Variants in OR2L13 observed in about 807,000 individuals in gnomAD.
OR2L13 encodes the protein olfactory receptor family 2 subfamily L member 13, also known as olfactory receptor 2L13.
In OR2L13, 14 loss-of-function variants were observed where a neutral mutation model predicts 15.3. That is an observed-to-expected ratio of 0.91 (90% CI 0.60 to 1.43). OR2L13 has a LOEUF of 1.43. Among genes scored for constraint, OR2L13 ranks in the 40% most tolerant of loss-of-function variants. The pLI is 0.00. For missense variants in OR2L13, 367 were observed against 387.9 expected (o/e 0.95, Z 0.45); for synonymous variants, 152 against 142.9 (o/e 1.06, Z -0.45).
the OR2L13 span, among the ~76,000 whole-genome samples, chr1:248,005,837 G>A: frequency 6.6e-6 from 1 of 152,192 alleles, no homozygotes; most frequent in African/African-American, 2.4e-5. Context: ...GTGGATATTT[G>A]TTTTACAATG....
the OR2L13 span, chr1:248,062,940 C>G: frequency 2.0e-5 from 3 of 152,248 alleles, no homozygotes; most frequent in East Asian, 5.8e-4. Flanking sequence ...GTTCTCTGTT[C>G]TGTTTCACTG....
At chr1:247,972,218 G>A in the OR2L13 span, among the ~76,000 whole-genome samples, 1 of 152,038 alleles carries the variant, frequency 6.6e-6, no homozygotes, top group African/African-American at 2.4e-5. Context: ...AAATAGAGAA[G>A]CAAGAGCAAA....
At chr1:248,015,735 C>T in the OR2L13 span, among the ~76,000 whole-genome samples, 3 of 152,146 alleles carry the variant, frequency 2.0e-5, no homozygotes, top group Non-Finnish European at 4.4e-5. Context: ...TACAAAACTT[C>T]CAGCAAAGCC....
At chr1:248,042,632 A>G in the OR2L13 span, among the ~76,000 whole-genome samples, 5 of 152,200 alleles carry the variant, frequency 3.3e-5, no homozygotes, top group Non-Finnish European at 5.9e-5. Context: ...AGGGACACAG[A>G]CCATCACATG....
At chr1:248,005,671 A>G in the OR2L13 span, among the ~76,000 whole-genome samples, 2 of 152,108 alleles carry the variant, frequency 1.3e-5, no homozygotes, top group Non-Finnish European at 2.9e-5. Flanking sequence ...TGAGCATTGG[A>G]TGTTTTCCCA....
the OR2L13 span, among the ~76,000 whole-genome samples, chr1:247,957,155 C>A: frequency 5.8e-5 from 7 of 119,808 alleles, no homozygotes; most frequent in East Asian, 1.0e-3. Context: ...TTAGCATGAA[C>A]GTTGTTGAAT....
chr1:248,042,304 A>G, the OR2L13 span: 1 of 140,174 alleles, frequency 7.1e-6, no homozygotes, highest in African/African-American at 2.7e-5. Flanking sequence ...GAATTGAACA[A>G]TGAGAACACA....
chr1:248,068,737 A>G, the OR2L13 span, among the ~76,000 whole-genome samples: 1 of 152,314 alleles, frequency 6.6e-6, no homozygotes, highest in South Asian at 2.1e-4. Flanking sequence ...AAAAATGTAG[A>G]TGAAAGTATA....
At chr1:247,985,789 A>T in the OR2L13 span, among the ~76,000 whole-genome samples, 3 of 151,696 alleles carry the variant, frequency 2.0e-5, no homozygotes, top group Non-Finnish European at 4.4e-5. Context: ...CTGACTTTTT[A>T]ATGATCGCCA....
exon 3 of OR2L13, chr1:248,100,239 C>T (rs1342842302): frequency 6.2e-7 from 1 of 1,613,346 alleles, no homozygotes; most frequent in South Asian, 1.1e-5. Context: ...ATCCCATTAT[C>T]TACAGCCTGA....
the OR2L13 span, chr1:247,990,405 C>T: frequency 5.0e-6 from 8 of 1,585,104 alleles, no homozygotes; most frequent in Admixed American, 1.3e-4. Context: ...CATGATTCTT[C>T]TCATCTTCTT....
At chr1:248,076,823 A>T in the OR2L13 span, among the ~76,000 whole-genome samples, 2 of 152,204 alleles carry the variant, frequency 1.3e-5, no homozygotes, top group Non-Finnish European at 2.9e-5. Flanking sequence ...TCCTAATTGC[A>T]TACCCTTTAT....
chr1:247,993,342 G>GTTGTT, the OR2L13 span, among the ~76,000 whole-genome samples: 96 of 134,966 alleles, frequency 7.1e-4, no homozygotes, highest in African/African-American at 2.5e-3. Flanking sequence ...TTTCCTCGTT[G>GTTGTT]TTTTTTTTTT....
chr1:247,985,745 A>G, the OR2L13 span, among the ~76,000 whole-genome samples: 1 of 150,780 alleles, frequency 6.6e-6, no homozygotes, highest in African/African-American at 2.4e-5. Context: ...AAATGTTTCT[A>G]TTTCTCCACA....
chr1:247,966,209 A>G, the OR2L13 span: 1 of 1,613,664 alleles, frequency 6.2e-7, no homozygotes, highest in Non-Finnish European at 8.5e-7. Flanking sequence ...GCAGTATTTT[A>G]CACCATTGTC....
chr1:247,984,149 C>T, the OR2L13 span, among the ~76,000 whole-genome samples: 7 of 151,870 alleles, frequency 4.6e-5, no homozygotes, highest in Non-Finnish European at 1.0e-4. Flanking sequence ...TTGTAGAACG[C>T]GTCTGGTGGA....
the OR2L13 span, among the ~76,000 whole-genome samples, chr1:247,972,615 A>G: frequency 8.1e-6 from 1 of 124,018 alleles, no homozygotes; most frequent in African/African-American, 2.8e-5. Context: ...AAATTGAGGC[A>G]GTAATTAATA....
At chr1:247,955,713 T>TG in the OR2L13 span, among the ~76,000 whole-genome samples, 4 of 46,396 alleles carry the variant, frequency 8.6e-5, no homozygotes, top group East Asian at 3.3e-3. Flanking sequence ...TGATGAGCAT[T>TG]TTTTTTCTTT....
chr1:248,091,762 TG>T (rs1202312741), upstream of OR2L13, among the ~76,000 whole-genome samples: 2 of 152,212 alleles, frequency 1.3e-5, no homozygotes, highest in Admixed American at 1.3e-4. Context: ...CTTGGCTATT[TG>T]GGTTTTATTT....
Sources: gnomAD v4.1 joint callset for allele counts (sites outside exome capture counted in the v4.1 genomes callset) on GRCh38, gnomAD v4.1.1 for gene constraint, MANE v1.5 for transcripts, NCBI Gene and HGNC (gene_info 2026-07-23, HGNC 2026-07-21) for gene names.